CTNNA3: variants seen among roughly 807,000 people sequenced by gnomAD.
CTNNA3 encodes the protein catenin alpha-3.
A neutral mutation model predicts 95.7 loss-of-function variants in CTNNA3; 76 were observed. The observed-to-expected ratio is 0.79, with a 90% CI of 0.66 to 0.96. The LOEUF (loss-of-function observed/expected upper bound fraction) is 0.96, where lower values mean the gene tolerates loss of function less well. CTNNA3 is among the 40% of genes least tolerant of loss of function. The pLI is 0.00. For synonymous variants in CTNNA3, 431 were observed against 374.4 expected, an observed-to-expected ratio of 1.15 and a Z score of -1.74; for missense variants, 1,191 against 1,089.8, an observed-to-expected ratio of 1.09 and a Z score of -1.31.
At chr10:65,992,448 C>T (rs2078564430) in intron 15 of CTNNA3, among the ~76,000 whole-genome samples, 1 of 151,988 alleles carries the variant, frequency 6.6e-6, no homozygotes, top group South Asian at 2.1e-4. Context: ...TTCAGATTTT[C>T]TATTTTTTCC....
At chr10:66,362,722 C>CA (rs113642405) in intron 12 of CTNNA3, among the ~76,000 whole-genome samples, 45 of 138,288 alleles carry the variant, frequency 3.3e-4, no homozygotes, top group East Asian at 2.1e-3. Flanking sequence ...CCCTGCCGAC[C>CA]AAAAAAAAAA....
At position 65,920,521 on chromosome 10, in the gene CTNNA3, T is replaced by G; in HGVS notation, c.2497A>C (p.Ile833Leu). ...KMSYIASTKI[I>L]RIQSPAGPRH... ...GGCCCAGCAGGACTCTGGATTCGGA[T>G]GATCTTGGTTGAGGCAATGTAAGAC... is the stretch of plus-strand genomic sequence containing the variant. The change falls in exon 18 of 18, where the codon ATC becomes CTC. Residue 833 changes from isoleucine (I) to leucine (L), a missense_variant. Physicochemically the swap from Ile to Leu is conservative, Grantham distance 5 (BLOSUM62 2). Transcript: ENST00000433211. 1 of 1,614,198 alleles carries G rather than the reference T, an allele frequency of 6.2e-7. No individual in the cohort carries two copies. The highest frequency in any genetic ancestry group is 8.5e-7 in the Non-Finnish European group (1 of 1,180,028).
At chr10:66,663,287 G>A (rs2132448496) in intron 9 of CTNNA3, among the ~76,000 whole-genome samples, 1 of 151,852 alleles carries the variant, frequency 6.6e-6, no homozygotes, top group South Asian at 2.1e-4. Context: ...CCCCAGTCAT[G>A]ACCATCAACT....
intron 11 of CTNNA3, among the ~76,000 whole-genome samples, chr10:66,481,113 A>G (rs922970758): frequency 1.3e-5 from 2 of 152,176 alleles, no homozygotes; most frequent in African/African-American, 4.8e-5. Flanking sequence ...CAAAGTTTAT[A>G]TGTATAAATT....
intron 7 of CTNNA3, chr10:66,926,097 C>T (rs1225220413): frequency 1.1e-5 from 5 of 458,040 alleles, no homozygotes; most frequent in Non-Finnish European, 1.8e-5. Flanking sequence ...GTGCGCGGTA[C>T]GGGGCTCTCC....
At chr10:66,926,342 C>A (rs753618189) in intron 7 of CTNNA3, 4 of 540,424 alleles carry the variant, frequency 7.4e-6, no homozygotes, top group East Asian at 3.3e-5. Context: ...GATCCTATTA[C>A]CTAGGAAGAT....
chr10:66,168,012 C>T lies in CTNNA3; in HGVS notation c.1885-64763G>A, dbSNP rs541090122. On this transcript the variant is annotated intron_variant, in intron 13 of 17. Transcript: ENST00000433211. ...AGAGCATGACAGCTGGAGCTCTTGGCCAATTGCCCTCCTTGTGGTTGGAGA... is the reference window on the plus strand; with the variant it reads ...AGAGCATGACAGCTGGAGCTCTTGGTCAATTGCCCTCCTTGTGGTTGGAGA... Among the ~76,000 whole-genome samples, 13 of 152,244 alleles carry T rather than the reference C, an allele frequency of 8.5e-5. 1 individual carries two copies. Among genetic ancestry groups the T allele is most frequent in the African/African-American group, 3.1e-4 (13 of 41,554 alleles).
At chr10:66,827,420 T>C (rs557517970) in intron 7 of CTNNA3, among the ~76,000 whole-genome samples, 1 of 152,304 alleles carries the variant, frequency 6.6e-6, no homozygotes, top group Admixed American at 6.5e-5. Context: ...ATACTTTCAA[T>C]TTCTGATTTT....
At chr10:66,673,496 CTT>C (rs1391627400) in intron 9 of CTNNA3, among the ~76,000 whole-genome samples, 1 of 152,048 alleles carries the variant, frequency 6.6e-6, no homozygotes, top group African/African-American at 2.4e-5. Context: ...TAAAATAACA[CTT>C]TAATACACCA....
chr10:67,428,243 T>C (rs2132887744), intron 5 of CTNNA3, among the ~76,000 whole-genome samples: 1 of 152,200 alleles, frequency 6.6e-6, no homozygotes, highest in Non-Finnish European at 1.5e-5. Flanking sequence ...ATGAATTAAA[T>C]GCTCTTATCA....
At chr10:66,134,630 A>G (rs2083266751) in intron 13 of CTNNA3, among the ~76,000 whole-genome samples, 1 of 152,140 alleles carries the variant, frequency 6.6e-6, no homozygotes, top group African/African-American at 2.4e-5. Flanking sequence ...CATAGGGTAG[A>G]TAATTAGTCA....
chr10:66,852,323 C>A (rs1843527656), intron 7 of CTNNA3, among the ~76,000 whole-genome samples: 1 of 152,042 alleles, frequency 6.6e-6, no homozygotes, highest in Admixed American at 6.6e-5. Flanking sequence ...CCTCATATTT[C>A]TCAATATGGT....
intron 11 of CTNNA3, among the ~76,000 whole-genome samples, chr10:66,487,180 GATT>G (rs1839761665): frequency 1.1e-5 from 1 of 87,510 alleles, no homozygotes. Flanking sequence ...TAAAAGGGCA[GATT>G]TTTTTTTTTT....
intron 7 of CTNNA3, among the ~76,000 whole-genome samples, chr10:67,033,512 A>T (rs770180053): frequency 4.8e-4 from 73 of 152,360 alleles, no homozygotes; most frequent in Non-Finnish European, 6.5e-4. Flanking sequence ...CACGATGTAA[A>T]TAAAAGTTGA....
intron 17 of CTNNA3, among the ~76,000 whole-genome samples, chr10:65,932,325 C>T (rs895150244): frequency 1.3e-5 from 2 of 152,166 alleles, no homozygotes; most frequent in African/African-American, 2.4e-5. Context: ...ACAACAATAA[C>T]ACTCCTTTAT....
intron 1 of CTNNA3, among the ~76,000 whole-genome samples, chr10:67,672,653 AAAG>A (rs763120063): frequency 3.6e-4 from 55 of 152,298 alleles, no homozygotes; most frequent in Middle Eastern, 3.4e-3. Flanking sequence ...CAGGTTTGTC[AAAG>A]ATCAGATGGT....
intron 11 of CTNNA3, among the ~76,000 whole-genome samples, chr10:66,423,214 T>A (rs1057120346): frequency 8.5e-5 from 13 of 152,270 alleles, no homozygotes; most frequent in African/African-American, 3.1e-4. Flanking sequence ...ATTTGCTTTG[T>A]TTTTCATGAT....
chr10:67,486,816 T>C (rs1848467707), intron 5 of CTNNA3, among the ~76,000 whole-genome samples: 1 of 152,202 alleles, frequency 6.6e-6, no homozygotes. Flanking sequence ...ATATGAAGAA[T>C]TATTCTCTTC....
intron 15 of CTNNA3, among the ~76,000 whole-genome samples, chr10:66,009,035 G>C (rs2078953234): frequency 1.3e-5 from 2 of 152,124 alleles, no homozygotes; most frequent in Admixed American, 1.3e-4. Context: ...TGGAGGCGGA[G>C]GTTGCTGTGA....
Sources: allele counts gnomAD v4.1 joint callset (sites outside exome capture counted in the v4.1 genomes callset), GRCh38; gene constraint gnomAD v4.1.1; transcripts MANE v1.5; gene names NCBI Gene and HGNC (gene_info 2026-07-23, HGNC 2026-07-21).